Variants in FOXRED2 observed in about 807,000 individuals in gnomAD.
FOXRED2 encodes the protein FAD-dependent oxidoreductase domain-containing protein 2.
A neutral mutation model predicts 52.5 loss-of-function variants in FOXRED2; 32 were observed. That is an observed-to-expected ratio of 0.61 (90% confidence interval 0.46 to 0.82). The LOEUF (loss-of-function observed/expected upper bound fraction) is 0.82, where lower values mean the gene tolerates loss of function less well. Among genes scored for constraint, FOXRED2 ranks in the 40% least tolerant of loss-of-function variants. The pLI is 0.00. For missense variants in FOXRED2, 848 were observed against 937.5 expected (o/e 0.90, Z 1.25); for synonymous variants, 405 against 398.1 (o/e 1.02, Z -0.21).
At chr22:36,506,627 C>T in intron 1 of FOXRED2, 1 of 497,506 alleles carries the variant, frequency 2.0e-6, no homozygotes. Flanking sequence ...GCCCCTCCAT[C>T]TTATCTCCCT....
intron 5 of FOXRED2, among the ~76,000 whole-genome samples, chr22:36,499,722 A>G (rs1933994242): frequency 6.6e-6 from 1 of 152,152 alleles, no homozygotes; most frequent in South Asian, 2.1e-4. Flanking sequence ...TGAATACTGT[A>G]TGCCTCACTG....
intron 8 of FOXRED2, among the ~76,000 whole-genome samples, chr22:36,492,405 A>T (rs554566161): frequency 7.9e-5 from 12 of 152,336 alleles, no homozygotes; most frequent in Admixed American, 7.8e-4. Flanking sequence ...CTGTACAGTC[A>T]AACAGTGTCT....
At position 36,490,070 on chromosome 22, in the gene FOXRED2, C is replaced by T; in HGVS notation, c.1993G>A (p.Gly665Ser). 2 of 1,613,344 alleles carry T rather than the reference C, an allele frequency of 1.2e-6. No individual in the cohort carries two copies. The highest frequency in any genetic ancestry group is 1.7e-6 in the Non-Finnish European group (2 of 1,179,466). The stretch of plus-strand genomic sequence containing the variant: ...AGAGGCCCTGGAGCCAGGGGGGAAC[C>T]TAGTGGCTCTTGGTCGCCAAGCTGC... Reference protein sequence around the residue: ...SQQLGDQEPLGSPLAPGPLAQ... With the variant: ...SQQLGDQEPLSSPLAPGPLAQ... The change falls in exon 9 of 9, where the codon GGT (glycine) becomes AGT (serine). Residue 665 changes from glycine to serine, a missense_variant. Physicochemically the swap from Gly to Ser is moderately conservative, Grantham distance 56 (BLOSUM62 0). Coordinates refer to ENST00000397224, the MANE Select transcript of FOXRED2 (RefSeq NM_001102371.2).
At chr22:36,499,621 G>A (rs1933991564) in intron 5 of FOXRED2, among the ~76,000 whole-genome samples, 1 of 152,046 alleles carries the variant, frequency 6.6e-6, no homozygotes, top group South Asian at 2.1e-4. Flanking sequence ...AAGAGACGCT[G>A]TCTCAAAAAA....
chr22:36,495,908 C>A, intron 7 of FOXRED2, 59 bp downstream of exon 7: 1 of 1,589,314 alleles, frequency 6.3e-7, no homozygotes, highest in Non-Finnish European at 8.6e-7. Flanking sequence ...GGGTGACAAC[C>A]TTGCAGACGG....
intron 7 of FOXRED2, 79 bp downstream of exon 7, chr22:36,495,888 G>A: frequency 6.6e-7 from 1 of 1,524,786 alleles, no homozygotes; most frequent in Non-Finnish European, 9.0e-7. Context: ...GTGTGTGAAG[G>A]TTTCAGGGTG....
At chr22:36,497,682 C>G (rs538440865) in intron 6 of FOXRED2, among the ~76,000 whole-genome samples, 1 of 152,224 alleles carries the variant, frequency 6.6e-6, no homozygotes, top group Non-Finnish European at 1.5e-5. Flanking sequence ...TGCTCATCCA[C>G]GTGATGCCAA....
chr22:36,500,791 CCAGGCTGGTCTTGAACTCCTGGCCTG>C (rs1035760307), intron 5 of FOXRED2, among the ~76,000 whole-genome samples: 3 of 152,008 alleles, frequency 2.0e-5, no homozygotes, highest in Admixed American at 6.6e-5. Flanking sequence ...GCCGTGTTGC[CCAGGCTGGTCTTGAACTCCTGGCCTG>C]AAGCAATCCA....
chr22:36,496,285 G>A, intron 6 of FOXRED2, 77 bp from the exon 7 acceptor site: 2 of 1,542,968 alleles, frequency 1.3e-6, no homozygotes, highest in Admixed American at 1.8e-5. Flanking sequence ...GTGAGCATGT[G>A]TGTGTGCGTG....
rs1420883287 is a variant in FOXRED2, at chr22:36,504,738, C to T, written c.556G>A (p.Val186Ile). 1 of 1,614,004 alleles carries T rather than the reference C, an allele frequency of 6.2e-7. No individual in the cohort carries two copies. The highest frequency in any genetic ancestry group is 1.3e-5 in the African/African-American group (1 of 74,900). The change falls in exon 3 of 9, where the codon GTC (valine) becomes ATC (isoleucine). Residue 186 changes from valine to isoleucine, a missense_variant. Physicochemically the swap from Val to Ile is conservative, Grantham distance 29 (BLOSUM62 3). Transcript: ENST00000397224. Reference protein sequence around the residue: ...SVLFVATGLSVPNQVDFPGSE... With the variant: ...SVLFVATGLSIPNQVDFPGSE... ...CCAGGGAAGTCAACCTGGTTGGGGACTGATAAACCAGTGGCTACAAAGAGG... is the reference window on the plus strand; with the variant it reads ...CCAGGGAAGTCAACCTGGTTGGGGATTGATAAACCAGTGGCTACAAAGAGG...
chr22:36,493,809 G>A lies in FOXRED2; in HGVS notation c.1625-6C>T. 6.2e-7 allele frequency: 1 copy of A among 1,613,692 alleles called. No individual in the cohort carries two copies. The highest frequency in any genetic ancestry group is 8.5e-7 in the Non-Finnish European group (1 of 1,179,728). On this transcript the variant is annotated splice_region_variant and splice_polypyrimidine_tract_variant and intron_variant, in intron 7 of 8. Coordinates refer to ENST00000397224, the MANE Select transcript of FOXRED2 (RefSeq NM_001102371.2). ...GCGGAACCTCACCTCCTGTTCTGTG[G>A]GGAGGAGAGAGGGGGCCATGTCAGA...
At position 36,504,679 on chromosome 22, in the gene FOXRED2, G is replaced by A. The variant is rs750748402; in HGVS notation, c.615C>T (p.Ser205=). ...GGCCTACAAAGTCCTCAGGGTCCACGGACACGGACTCGTAACCCTCTGCAT... is the reference window on the plus strand; with the variant it reads ...GGCCTACAAAGTCCTCAGGGTCCACAGACACGGACTCGTAACCCTCTGCAT... ...SEYAEGYESV[S]VDPEDFVGQN... is the part of the protein sequence containing the mutation. The change falls in exon 3 of 9, where the codon TCC becomes TCT. Residue 205 remains serine, a synonymous_variant. Coordinates refer to ENST00000397224, the MANE Select transcript of FOXRED2 (RefSeq NM_001102371.2). The A allele has an allele frequency of 6.8e-6, 11 of 1,614,032 alleles. No homozygotes were observed. In the South Asian group the frequency reaches 7.7e-5, roughly 11 times the overall value.
rs763098194 is a variant in FOXRED2 at position 36,504,523 on chromosome 22, T to A, written c.771A>T (p.Gly257=). 1.2e-6 allele frequency: 2 copies of A among 1,613,984 alleles called. No homozygotes were observed. The highest frequency in any genetic ancestry group is 3.3e-5 in the Admixed American group (2 of 59,996). The change falls in exon 3 of 9, where the codon GGA becomes GGT. Residue 257 remains glycine, a synonymous_variant. Coordinates refer to ENST00000397224, the MANE Select transcript of FOXRED2 (RefSeq NM_001102371.2). ...VRLSWATHYV[G]DLRAINNGLL... ...GCGGGGATGTGGCCTACCTGAGGTC[T>A]CCAACGTAGTGGGTGGCCCAGGACA...
At chr22:36,494,148 G>A (rs775991707) in intron 7 of FOXRED2, among the ~76,000 whole-genome samples, 12 of 152,136 alleles carry the variant, frequency 7.9e-5, no homozygotes, top group Non-Finnish European at 1.5e-4. Context: ...AGACAGTCTC[G>A]CTCTATTGCC....
chr22:36,493,479 G>A (rs1328496398), intron 8 of FOXRED2, among the ~76,000 whole-genome samples, 154 bp downstream of exon 8: 4 of 152,036 alleles, frequency 2.6e-5, no homozygotes, highest in Non-Finnish European at 4.4e-5. Flanking sequence ...TTATTTTTAG[G>A]TGAGTTGTAA....
chr22:36,505,561 G>C (rs1425154249), intron 2 of FOXRED2, among the ~76,000 whole-genome samples: 1 of 152,144 alleles, frequency 6.6e-6, no homozygotes, highest in East Asian at 1.9e-4. Flanking sequence ...CTGAGGTCAG[G>C]AGTTCGAGAC....
chr22:36,504,499 C>A lies in FOXRED2; in HGVS notation c.779+16G>T. 1 of 1,613,822 alleles carries A rather than the reference C, an allele frequency of 6.2e-7. No homozygotes were observed. The highest frequency in any genetic ancestry group is 1.1e-5 in the South Asian group (1 of 91,062). On this transcript the variant is annotated intron_variant, in intron 3 of 8. Transcript: ENST00000397224. ...GGGCTCCCAGCACAGAACACACATGCGGGGATGTGGCCTACCTGAGGTCTC... is the reference window on the plus strand; with the variant it reads ...GGGCTCCCAGCACAGAACACACATGAGGGGATGTGGCCTACCTGAGGTCTC...
intron 5 of FOXRED2, among the ~76,000 whole-genome samples, chr22:36,500,330 CGT>C (rs1390669529): frequency 1.3e-5 from 2 of 152,144 alleles, no homozygotes; most frequent in African/African-American, 4.8e-5. Flanking sequence ...CTGCCAGGGT[CGT>C]GTGTTCAGTG....
intron 7 of FOXRED2, among the ~76,000 whole-genome samples, chr22:36,495,499 A>C (rs1933872666): frequency 2.0e-5 from 3 of 152,198 alleles, no homozygotes; most frequent in African/African-American, 7.2e-5. Context: ...CCTACAAGAA[A>C]GGTACTGTTG....
Sources: allele counts gnomAD v4.1 joint callset (sites outside exome capture counted in the v4.1 genomes callset), GRCh38; gene constraint gnomAD v4.1.1; transcripts MANE v1.5; gene names NCBI Gene and HGNC (gene_info 2026-07-23, HGNC 2026-07-21).